The following UBAC1 variants were observed in gnomAD, a reference collection of about 807,000 sequenced individuals.
The protein encoded by UBAC1 is ubiquitin-associated domain-containing protein 1.
UBAC1 carries 27 observed loss-of-function variants against 45.9 expected under a neutral mutation model. That is an observed-to-expected ratio of 0.59 (90% CI 0.43 to 0.81). UBAC1 has a LOEUF of 0.81. Ranked by LOEUF, UBAC1 falls within the 30% of genes least tolerant of loss-of-function variation. The probability of loss-of-function intolerance (pLI) is 0.00; values close to 1 mark genes in which losing one functional copy is unlikely to be tolerated. For missense variants in UBAC1, 529 were observed against 539.2 expected, an observed-to-expected ratio of 0.98 and a Z score of 0.19; for synonymous variants, 227 against 215.5, an observed-to-expected ratio of 1.05 and a Z score of -0.47.
rs1414892796 is a variant in UBAC1 at position 135,947,825 on chromosome 9, C to A, written c.414G>T (p.Arg138=). 6.2e-7 allele frequency: 1 copy of A among 1,614,086 alleles called. No homozygotes were observed. The highest frequency in any genetic ancestry group is 8.5e-7 in the Non-Finnish European group (1 of 1,179,974). Residue 138 remains arginine (R), a synonymous_variant, in exon 4 of 10, where the codon CGG becomes CGT. Coordinates refer to ENST00000371756, the MANE Select transcript of UBAC1 (RefSeq NM_016172.3). ...TANLPSYNMD[R]AAVQTNMRDF... ...CTCTCATGTTGGTCTGGACCGCGGC[C>A]CGGTCCATGTTGTAGGAGGGCAGGT...
intron 7 of UBAC1, among the ~76,000 whole-genome samples, chr9:135,942,532 CCTGT>C (rs1839281812): frequency 1.3e-5 from 2 of 151,776 alleles, no homozygotes; most frequent in Non-Finnish European, 2.9e-5. Context: ...GTGGTGCGTG[CCTGT>C]AAGAGCTACT....
chr9:135,938,340 G>T lies in UBAC1; in HGVS notation c.984C>A (p.Asp328Glu), dbSNP rs372577322. ...QNAACEWLLG[D>E]RKPSPEELDK... is the part of the protein sequence containing the mutation. ...CCAGCTCCTCCGGAGAGGGCTTCCG[G>T]TCCCCCAGCAGCCACTCGCACTGCA... Residue 328 changes from aspartate to glutamate, a missense_variant, in exon 9 of 10, where the codon GAC (aspartate) becomes GAA (glutamate). Transcript: ENST00000371756. The T allele has an allele frequency of 2.4e-4, 384 of 1,613,696 alleles. No homozygotes were observed. The South Asian group carries it at 2.8e-3, about 12-fold the overall frequency.
chr9:135,948,025 G>T, intron 3 of UBAC1, 120 bp from the exon 4 acceptor site: 1 of 899,618 alleles, frequency 1.1e-6, no homozygotes. Flanking sequence ...AGCCAGAGGT[G>T]TAAACTCCTT....
At chr9:135,939,613 T>TC in intron 8 of UBAC1, 60 bp downstream of exon 8, 1 of 1,484,078 alleles carries the variant, frequency 6.7e-7, no homozygotes, top group East Asian at 2.3e-5. Context: ...AGCCCACACT[T>TC]ACCACAGCCC....
In UBAC1 at chr9:135,960,942, G is replaced by A. The variant is rs907042531; in HGVS notation, c.138+83C>T. The A allele has an allele frequency of 7.0e-6, 9 of 1,286,228 alleles. No homozygotes were observed. The South Asian group carries it at 1.3e-4, about 18-fold the overall frequency. 79.7% of individuals were successfully genotyped at this position (1,286,228 alleles called of 1,614,324 possible). ...GACTGGGCGGCGGACCCCAGGTCGG[G>A]GCGGTTCGGGGACTGAGGCGGGGTC... On this transcript the variant is annotated intron_variant, in intron 1 of 9. Transcript: ENST00000371756.
At chr9:135,937,068 A>C (rs1839209641) in intron 9 of UBAC1, among the ~76,000 whole-genome samples, 1 of 152,236 alleles carries the variant, frequency 6.6e-6, no homozygotes, top group African/African-American at 2.4e-5. Flanking sequence ...TTCTGAAAGA[A>C]GGCCAGCCTT....
intron 3 of UBAC1, among the ~76,000 whole-genome samples, chr9:135,948,769 G>A (rs1007476552): frequency 2.6e-5 from 4 of 152,348 alleles, no homozygotes; most frequent in Middle Eastern, 3.4e-3. Context: ...GTCCCAAAGC[G>A]CTGCTATCAA....
chr9:135,946,560 A>G (rs1159698550), intron 4 of UBAC1, among the ~76,000 whole-genome samples, 189 bp from the exon 5 acceptor site: 3 of 152,208 alleles, frequency 2.0e-5, no homozygotes, highest in African/African-American at 7.2e-5. Flanking sequence ...TGCAGGTGGG[A>G]CTGAAGCCAG....
At chr9:135,952,944 ACT>A (rs1268796365) in intron 3 of UBAC1, among the ~76,000 whole-genome samples, 8 of 152,016 alleles carry the variant, frequency 5.3e-5, no homozygotes, top group African/African-American at 1.5e-4. Flanking sequence ...CTCACCGGCC[ACT>A]CTCTGCATGC....
At position 135,961,171 on chromosome 9, in the gene UBAC1, C is replaced by A. The variant is rs767494944; in HGVS notation, c.-9G>T. 171 of 1,537,998 alleles carry A rather than the reference C, an allele frequency of 1.1e-4. 1 individual carries two copies. The Middle Eastern group carries it at 2.1e-3, about 19-fold the overall frequency. On this transcript the variant is annotated 5_prime_UTR_variant, in exon 1 of 10. Transcript: ENST00000371756. ...TCCTCCTGCACGAACATCCCGCCGC[C>A]GCCGCAGGGGCCTGCGCCCGCCACC...
At chr9:135,934,129 C>T (rs1205816799) in intron 9 of UBAC1, among the ~76,000 whole-genome samples, 1 of 152,214 alleles carries the variant, frequency 6.6e-6, no homozygotes, top group Admixed American at 6.5e-5. Context: ...CTGCCAGGAT[C>T]GATGGCTCCA....
At chr9:135,947,543 G>A in intron 4 of UBAC1, 1 of 416,188 alleles carries the variant, frequency 2.4e-6, no homozygotes, top group Admixed American at 4.3e-5. Context: ...CCAAACTCAG[G>A]GCCGGATTGA....
At chr9:135,948,922 A>C (rs1839372426) in intron 3 of UBAC1, among the ~76,000 whole-genome samples, 1 of 151,956 alleles carries the variant, frequency 6.6e-6, no homozygotes, top group Non-Finnish European at 1.5e-5. Context: ...AGACAAAAAT[A>C]AGCCCGGTGT....
intron 1 of UBAC1, among the ~76,000 whole-genome samples, chr9:135,956,617 C>T (rs1839469860): frequency 6.6e-6 from 1 of 152,084 alleles, no homozygotes; most frequent in South Asian, 2.1e-4. Flanking sequence ...CACAGCACAG[C>T]ACCGCACACC....
chr9:135,957,844 C>T (rs561813365), intron 1 of UBAC1, among the ~76,000 whole-genome samples: 3 of 146,358 alleles, frequency 2.0e-5, no homozygotes, highest in African/African-American at 7.6e-5. Context: ...GCGCGATCTC[C>T]GCTTATTGCA....
At chr9:135,953,576 C>T (rs937786964) in intron 3 of UBAC1, 104 bp downstream of exon 3, 3 of 972,262 alleles carry the variant, frequency 3.1e-6, no homozygotes, top group Non-Finnish European at 4.6e-6. Flanking sequence ...CCTCGGCCTC[C>T]CAAAGTGCTG....
intron 7 of UBAC1, 115 bp from the exon 8 acceptor site, chr9:135,939,874 A>C (rs1030313531): frequency 4.1e-5 from 32 of 787,784 alleles, no homozygotes; most frequent in Non-Finnish European, 4.9e-5. Context: ...TCCCAACAGC[A>C]CTGAGGACGC....
Position 135,955,331 on chromosome 9 carries a change from C to A in UBAC1, c.223G>T (p.Ala75Ser). 1 of 1,605,196 alleles carries A rather than the reference C, an allele frequency of 6.2e-7. No individual in the cohort carries two copies. The highest frequency in any genetic ancestry group is 8.5e-7 in the Non-Finnish European group (1 of 1,177,674). ...HAASERVLSD[A>S]RTILEENIQD... ...ATGTTCTCTTCCAGGATGGTCCTGG[C>A]ATCACTCAGCACCCTCTCTGAGGCA... Residue 75 changes from alanine to serine, a missense_variant, in exon 2 of 10, where the codon GCC (alanine) becomes TCC (serine). Transcript: ENST00000371756.
intron 9 of UBAC1, among the ~76,000 whole-genome samples, chr9:135,935,112 G>C (rs889911181): frequency 8.6e-5 from 13 of 152,024 alleles, no homozygotes; most frequent in African/African-American, 2.9e-4. Context: ...ACCCAGGCTG[G>C]TCTCGAACTC....
Sources: allele counts gnomAD v4.1 joint callset (sites outside exome capture counted in the v4.1 genomes callset), GRCh38; gene constraint gnomAD v4.1.1; transcripts MANE v1.5; gene names NCBI Gene and HGNC (gene_info 2026-07-23, HGNC 2026-07-21).